The following TG variants were observed in gnomAD, a reference collection of about 807,000 sequenced individuals.
TG encodes the protein thyroglobulin, also known as thyroid hormones.
TG carries 270 observed loss-of-function variants against 324.7 expected under a neutral mutation model. The observed-to-expected ratio is 0.83, with a 90% CI of 0.75 to 0.92. The LOEUF is 0.92. Ranked by LOEUF, TG falls within the 40% of genes least tolerant of loss-of-function variation. TG has a pLI of 0.00. For missense variants in TG, 3,591 were observed against 3,456.4 expected (o/e 1.04, Z -0.98); for synonymous variants, 1,401 against 1,327.0 (o/e 1.06, Z -1.21).
intron 5 of TG, among the ~76,000 whole-genome samples, chr8:132,878,477 G>T (rs1254627787): frequency 6.6e-6 from 1 of 151,910 alleles, no homozygotes; most frequent in East Asian, 1.9e-4. Flanking sequence ...TTAGCTGGGT[G>T]TGGTGGTGGG....
intron 11 of TG, among the ~76,000 whole-genome samples, chr8:132,895,167 T>C (rs919839948): frequency 6.6e-6 from 1 of 152,256 alleles, no homozygotes; most frequent in Non-Finnish European, 1.5e-5. Context: ...GGACAAATGA[T>C]TAATCTGTCT....
rs575422432 is a variant in TG, at chr8:132,957,380, G to A, written c.5402-3628G>A. On this transcript the variant is annotated intron_variant, in intron 27 of 47. Transcript: ENST00000220616. ...TCTGTTGCCTTGAGATGGACAGAGT[G>A]TATAAGGTGTCAGCTTCCTATCACA... 1.8e-3 allele frequency among the ~76,000 whole-genome samples: 274 copies of A among 152,332 alleles called. 1 individual carries two copies. Among genetic ancestry groups the A allele is most frequent in the African/African-American group, 6.5e-3 (269 of 41,568 alleles).
chr8:133,006,585 G>T (rs771821997), intron 35 of TG, among the ~76,000 whole-genome samples: 1 of 152,060 alleles, frequency 6.6e-6, no homozygotes, highest in Non-Finnish European at 1.5e-5. Context: ...ATGAATACAT[G>T]ATTGAAAGAA....
At chr8:132,909,928 T>C in intron 18 of TG, among the ~76,000 whole-genome samples, 1 of 152,218 alleles carries the variant, frequency 6.6e-6, no homozygotes, top group East Asian at 1.9e-4. Context: ...CCATTTGTAA[T>C]GTGGGGTAAT....
intron 40 of TG, among the ~76,000 whole-genome samples, chr8:133,024,565 C>G (rs1362498312): frequency 2.0e-5 from 3 of 151,686 alleles, no homozygotes; most frequent in Non-Finnish European, 4.4e-5. Flanking sequence ...CCCTTGCCCC[C>G]CGCCCCCCAA....
chr8:133,020,981 G>A (rs1202764248), intron 39 of TG, among the ~76,000 whole-genome samples: 3 of 152,152 alleles, frequency 2.0e-5, no homozygotes, highest in Non-Finnish European at 4.4e-5. Context: ...GATGGAGCAC[G>A]AGTTACCGGG....
intron 47 of TG, among the ~76,000 whole-genome samples, chr8:133,134,080 C>T (rs549460981): frequency 5.3e-5 from 8 of 152,220 alleles, no homozygotes; most frequent in Admixed American, 3.3e-4. Context: ...ATTTCTACCT[C>T]TTCCTGTTGC....
At chr8:132,960,831 T>C (rs1827640844) in intron 27 of TG, among the ~76,000 whole-genome samples, 177 bp from the exon 28 acceptor site, 1 of 152,176 alleles carries the variant, frequency 6.6e-6, no homozygotes, top group Non-Finnish European at 1.5e-5. Context: ...AGCTCTGGTT[T>C]TGTACTAGGG....
chr8:132,986,463 A>G (rs1831567322), intron 35 of TG, among the ~76,000 whole-genome samples: 1 of 151,826 alleles, frequency 6.6e-6, no homozygotes, highest in African/African-American at 2.4e-5. Flanking sequence ...TAAATCACTC[A>G]TTCATGCAGG....
At chr8:132,923,313 G>A (rs771823155) in intron 21 of TG, 25 bp from the exon 22 acceptor site, 18 of 1,613,374 alleles carry the variant, frequency 1.1e-5, no homozygotes, top group Admixed American at 1.7e-5. Flanking sequence ...CATTATTGAC[G>A]GCTATGTCAA....
At chr8:133,113,637 C>T in intron 44 of TG, 34 bp downstream of exon 44, 1 of 1,607,914 alleles carries the variant, frequency 6.2e-7, no homozygotes, top group Non-Finnish European at 8.5e-7. Flanking sequence ...CAGATTCCTA[C>T]TGCTATGTTT....
chr8:133,109,947 G>A lies in TG; in HGVS notation c.7573-3475G>A, dbSNP rs375778814. ...AGGGCTCTCACTATGACCCCCTCAT[G>A]TTATGTATGAGAAAATGGTGCCCAG... On this transcript the variant is annotated intron_variant, in intron 43 of 47. Transcript: ENST00000220616. Among the ~76,000 whole-genome samples, 140 of 152,268 alleles carry A rather than the reference G, an allele frequency of 9.2e-4. 8 individuals are homozygous for A. The South Asian group carries it at 0.028, about 30-fold the overall frequency.
At chr8:132,983,301 G>C in intron 34 of TG, 49 bp from the exon 35 acceptor site, 2 of 1,588,994 alleles carry the variant, frequency 1.3e-6, no homozygotes, top group Non-Finnish European at 1.7e-6. Context: ...TGAACTCGAT[G>C]ATACCATGGG....
rs146024503 is a variant in TG, at chr8:132,969,771, C to T, written c.5975+202C>T. On this transcript the variant is annotated intron_variant, in intron 32 of 47. Transcript: ENST00000220616. ...ACTAAAAATACAAAAATTAGCTGGG[C>T]ATGGTGGCGGCACATGCTAGTAGTC... Among the ~76,000 whole-genome samples, 194 of 151,996 alleles carry T rather than the reference C, an allele frequency of 1.3e-3. 2 individuals are homozygous for T. The highest frequency in any genetic ancestry group is 4.6e-3 in the African/African-American group (189 of 41,466).
chr8:133,089,883 C>G (rs1847222522), intron 41 of TG: 1 of 152,216 alleles, frequency 6.6e-6, no homozygotes, highest in Non-Finnish European at 1.5e-5. Context: ...TGGAAACCCA[C>G]TCAAGTCCTG....
At chr8:132,909,429 CT>C (rs1293893646) in intron 18 of TG, among the ~76,000 whole-genome samples, 1 of 152,152 alleles carries the variant, frequency 6.6e-6, no homozygotes. Flanking sequence ...GTAAAATGTT[CT>C]GGAATCCAGG....
chr8:133,127,206 C>T (rs79653661), intron 45 of TG, among the ~76,000 whole-genome samples: 2 of 152,248 alleles, frequency 1.3e-5, no homozygotes, highest in African/African-American at 4.8e-5. Context: ...GCTCCATCCA[C>T]TGCCAGGTGC....
Position 132,969,521 on chromosome 8 carries a change from T to C in TG, c.5927T>C (p.Ile1976Thr), listed in dbSNP as rs1011988917. The C allele has an allele frequency of 5.0e-6, 8 of 1,613,908 alleles. No individual in the cohort carries two copies. Among genetic ancestry groups the C allele is most frequent in the African/African-American group, 1.3e-5 (1 of 74,896 alleles). ...TRLPFQKLMG[I>T]SIRNKVPMSE... ...CTGCCGTTCCAAAAACTGATGGGGA[T>C]ATCCATTAGAAATAAAGTGCCCATG... The change falls in exon 32 of 48, where the codon ATA (isoleucine) becomes ACA (threonine). Residue 1976 changes from isoleucine to threonine, a missense_variant. Transcript: ENST00000220616.
At chr8:132,981,110 A>T (rs1400949666) in intron 34 of TG, among the ~76,000 whole-genome samples, 1 of 152,232 alleles carries the variant, frequency 6.6e-6, no homozygotes, top group Non-Finnish European at 1.5e-5. Flanking sequence ...ACAATAAAGA[A>T]GGTCCCACGC....
Sources: allele counts gnomAD v4.1 joint callset (sites outside exome capture counted in the v4.1 genomes callset), GRCh38; gene constraint gnomAD v4.1.1; transcripts MANE v1.5; gene names NCBI Gene and HGNC (gene_info 2026-07-23, HGNC 2026-07-21).